RBM5: variants seen among roughly 807,000 people sequenced by gnomAD.
RBM5 encodes RNA binding motif protein 5, also known as RNA-binding protein 5.
Under a neutral mutation model 124.6 loss-of-function variants are expected in RBM5, and 15 were observed. That is an observed-to-expected ratio of 0.12 (90% CI 0.08 to 0.19). The LOEUF (loss-of-function observed/expected upper bound fraction) is 0.19, where lower values mean the gene tolerates loss of function less well. Among genes scored for constraint, RBM5 ranks in the 10% least tolerant of loss-of-function variants. RBM5 has a pLI of 1.00. For missense variants in RBM5, 580 were observed against 1,026.5 expected (o/e 0.57, Z 5.94); for synonymous variants, 337 against 361.2 (o/e 0.93, Z 0.76).
intron 1 of RBM5, chr3:50,090,042 A>G (rs1315094089): frequency 5.4e-6 from 1 of 184,058 alleles, no homozygotes; most frequent in East Asian, 1.4e-4. Flanking sequence ...TTGCTTTGAT[A>G]CAAAACCAAG....
chr3:50,103,363 TCTG>T (rs1445473852), intron 7 of RBM5, among the ~76,000 whole-genome samples, 197 bp downstream of exon 7: 69 of 152,214 alleles, frequency 4.5e-4, no homozygotes, highest in Non-Finnish European at 1.0e-4. Flanking sequence ...AGATGCACGT[TCTG>T]CTGGGCATGG....
rs899833253 is a variant in RBM5, at chr3:50,116,075, T to C, written c.2094+95T>C. 47 of 1,229,842 alleles carry C rather than the reference T, an allele frequency of 3.8e-5. 1 individual carries two copies. The Middle Eastern group carries it at 7.6e-4, about 20-fold the overall frequency. 76.2% of individuals were successfully genotyped at this position (1,229,842 alleles called of 1,614,324 possible). A position where few individuals can be genotyped will look rare whatever the true frequency, so the allele number is the denominator to read the frequency against. ...TTAGTTCCAGATCCCAGGGGCAGGGTAGGAGGATTTGTCATACCCTTGTCA... is the reference window on the plus strand; with the variant it reads ...TTAGTTCCAGATCCCAGGGGCAGGGCAGGAGGATTTGTCATACCCTTGTCA... On this transcript the variant is annotated intron_variant, in intron 22 of 24. Coordinates refer to ENST00000347869, the MANE Select transcript of RBM5 (RefSeq NM_005778.4).
In RBM5 at chr3:50,110,770, A is replaced by G; in HGVS notation, c.1455A>G (p.Gln485=). Residue 485 remains glutamine, a splice_region_variant and synonymous_variant, in exon 17 of 25, where the codon CAA becomes CAG. Coordinates refer to ENST00000347869, the MANE Select transcript of RBM5 (RefSeq NM_005778.4). ...TTGLYYDPNS[Q]YYYNSLTQQY... ...GGCTCTATTATGACCCCAACTCGCA[A>G]GTAAATGTGCTGCTTTCCTCCTCAA... 6.2e-7 allele frequency: 1 copy of G among 1,602,916 alleles called. No individual in the cohort carries two copies. Among genetic ancestry groups the G allele is most frequent in the Non-Finnish European group, 8.5e-7 (1 of 1,171,288 alleles).
intron 2 of RBM5, 103 bp downstream of exon 2, chr3:50,090,554 G>T: frequency 1.5e-6 from 2 of 1,373,040 alleles, no homozygotes; most frequent in Non-Finnish European, 2.1e-6. Context: ...TTTTGCGCCA[G>T]GCATTGCTAA....
intron 11 of RBM5, 94 bp from the exon 12 acceptor site, chr3:50,107,388 T>C (rs2091052779): frequency 9.7e-7 from 1 of 1,028,086 alleles, no homozygotes; most frequent in Non-Finnish European, 1.5e-6. Context: ...ATTTGAGAAC[T>C]GACAAAGGGT....
chr3:50,106,118 A>ATTTTTTTTTTTTTTTTTTT (rs61297967), intron 10 of RBM5, among the ~76,000 whole-genome samples: 2 of 32,758 alleles, frequency 6.1e-5, no homozygotes, highest in African/African-American at 1.9e-4. Context: ...ACGCCCAGCT[A>ATTTTTTTTTTTTTTTTTTT]TTTTTTTTTT....
rs2091288055 is a variant in RBM5 at position 50,117,937 on chromosome 3, C to T, written c.2323-394C>T. 1 of 210,382 alleles carries T rather than the reference C, an allele frequency of 4.8e-6. No individual in the cohort carries two copies. The allele number at this position is 210,382 out of a possible 1,614,324, so 13.0% of individuals were successfully genotyped here. A position where few individuals can be genotyped will look rare whatever the true frequency, so the allele number is the denominator to read the frequency against. On this transcript the variant is annotated intron_variant, in intron 24 of 24. Coordinates refer to ENST00000347869, the MANE Select transcript of RBM5 (RefSeq NM_005778.4). This position sits in a 1 kb window ranked among gnomAD's most constrained non-coding sequence, Gnocchi z 4.2. ...AATTGCCCCTGCTCTGTCCTGGGAG[C>T]ACAGCTTAGGTCAGACTCTTGTAGA...
intron 17 of RBM5, among the ~76,000 whole-genome samples, chr3:50,111,182 G>A (rs1048898111): frequency 6.6e-6 from 1 of 152,244 alleles, no homozygotes; most frequent in East Asian, 1.9e-4. Flanking sequence ...ACAATTTATG[G>A]AAAGACCTAG....
In RBM5 at chr3:50,110,451, G is replaced by C. The variant is rs1448687909; in HGVS notation, c.1351G>C (p.Gly451Arg). Residue 451 changes from glycine to arginine, a missense_variant, in exon 16 of 25, where the codon GGT (glycine) becomes CGT (arginine). Coordinates refer to ENST00000347869, the MANE Select transcript of RBM5 (RefSeq NM_005778.4). ...CGCTTCCCCTACTGGTGTAGTTCCT[G>C]GTACCAAATATGGTAAGCCAAACCT... ...PAASPTGVVP[G>R]TKYAVPDTST... 1 of 1,613,960 alleles carries C rather than the reference G, an allele frequency of 6.2e-7. No homozygotes were observed. Among genetic ancestry groups the C allele is most frequent in the South Asian group, 1.1e-5 (1 of 91,056 alleles).
intron 24 of RBM5, 156 bp from the exon 25 acceptor site, chr3:50,118,175 T>G (rs2091292935): frequency 9.7e-7 from 1 of 1,035,096 alleles, no homozygotes. Flanking sequence ...TCCTTATACT[T>G]GCTCCTGGTC....
intron 22 of RBM5, 80 bp from the exon 23 acceptor site, chr3:50,116,994 G>A (rs1267788661): frequency 1.6e-6 from 2 of 1,273,598 alleles, no homozygotes; most frequent in African/African-American, 3.0e-5. Flanking sequence ...TACTTGAGGG[G>A]ATAGTTTTGA....
intron 15 of RBM5, 50 bp downstream of exon 15, chr3:50,109,738 G>A (rs745820630): frequency 6.7e-7 from 1 of 1,493,250 alleles, no homozygotes; most frequent in Non-Finnish European, 9.3e-7. Flanking sequence ...GGGAAATTTT[G>A]TTTTGCTATA....
At chr3:50,111,821 CTT>C (rs1344166446) in intron 17 of RBM5, among the ~76,000 whole-genome samples, 1 of 152,074 alleles carries the variant, frequency 6.6e-6, no homozygotes, top group Non-Finnish European at 1.5e-5. Context: ...GCATATATAA[CTT>C]TTAAAAGGGA....
chr3:50,106,327 A>G (rs1193891298), intron 10 of RBM5, among the ~76,000 whole-genome samples: 2 of 151,534 alleles, frequency 1.3e-5, no homozygotes, highest in Non-Finnish European at 2.9e-5. Context: ...TTTTTAGTAG[A>G]GATGGGGTTT....
At chr3:50,099,739 A>C (rs924669644) in intron 4 of RBM5, 2 of 335,160 alleles carry the variant, frequency 6.0e-6, no homozygotes, top group African/African-American at 4.4e-5. Flanking sequence ...GTGCACACCT[A>C]TAATCCCAGC....
chr3:50,116,134 G>C, intron 22 of RBM5, 154 bp downstream of exon 22: 3 of 662,492 alleles, frequency 4.5e-6, no homozygotes, highest in Non-Finnish European at 7.9e-6. Context: ...CCTAGACCCA[G>C]CCTCTGTGTG....
chr3:50,100,082 G>A lies in RBM5; in HGVS notation c.409+31G>A. Reference sequence around the variant, plus strand: ...AGCTTGCTTAGTTCCTGATATTATTGTTCTCTTCCCCATTCCCACCTCAGT... The same window carrying A: ...AGCTTGCTTAGTTCCTGATATTATTATTCTCTTCCCCATTCCCACCTCAGT... On this transcript the variant is annotated intron_variant, in intron 5 of 24. Transcript: ENST00000347869. This position sits in a 1 kb window ranked among gnomAD's most constrained non-coding sequence, Gnocchi z 5.1. 2 of 1,596,922 alleles carry A rather than the reference G, an allele frequency of 1.3e-6. No homozygotes were observed. Among genetic ancestry groups the A allele is most frequent in the South Asian group, 2.2e-5 (2 of 89,560 alleles).
At chr3:50,108,343 A>C (rs760257031) in intron 14 of RBM5, 39 bp downstream of exon 14, 1 of 1,515,614 alleles carries the variant, frequency 6.6e-7, no homozygotes, top group Non-Finnish European at 9.2e-7. Context: ...TTGTTTAAGC[A>C]CTTACAGTTG....
At chr3:50,107,336 C>G (rs1374168168) in intron 11 of RBM5, 146 bp from the exon 12 acceptor site, 1 of 666,012 alleles carries the variant, frequency 1.5e-6, no homozygotes, top group African/African-American at 1.8e-5. Flanking sequence ...GAGGAATTTC[C>G]CCATGAAGAG....
Sources: gnomAD v4.1 joint callset for allele counts (sites outside exome capture counted in the v4.1 genomes callset) on GRCh38, gnomAD v4.1.1 for gene constraint, Gnocchi (gnomAD v3.1) non-coding constraint, MANE v1.5 for transcripts, NCBI Gene and HGNC (gene_info 2026-07-23, HGNC 2026-07-21) for gene names.